Variants in ARSB observed in about 807,000 individuals in gnomAD.
ARSB encodes the protein N-acetylgalactosamine-4-sulfatase.
ARSB carries 41 observed loss-of-function variants against 50.9 expected under a neutral mutation model. That is an observed-to-expected ratio of 0.81 (90% CI 0.63 to 1.04). ARSB has a LOEUF of 1.04. Ranked by LOEUF, ARSB falls within the 50% of genes least tolerant of loss-of-function variation. ARSB has a pLI of 0.00. For synonymous variants in ARSB, 269 were observed against 284.8 expected, an observed-to-expected ratio of 0.94 and a Z score of 0.56; for missense variants, 672 against 693.3, an observed-to-expected ratio of 0.97 and a Z score of 0.35.
At chr5:78,881,784 T>C (rs1390486422) in intron 5 of ARSB, among the ~76,000 whole-genome samples, 1 of 152,262 alleles carries the variant, frequency 6.6e-6, no homozygotes, top group Admixed American at 6.5e-5. Context: ...TTTAAAATCA[T>C]GTAGGGGCCA....
intron 5 of ARSB, among the ~76,000 whole-genome samples, chr5:78,859,795 G>A (rs1184592317): frequency 1.3e-5 from 2 of 151,896 alleles, no homozygotes; most frequent in East Asian, 3.9e-4. Context: ...CCCGAATGCT[G>A]GCTGCTTTCC....
At chr5:78,981,315 C>T (rs1182483123) in intron 1 of ARSB, among the ~76,000 whole-genome samples, 1 of 152,124 alleles carries the variant, frequency 6.6e-6, no homozygotes, top group Non-Finnish European at 1.5e-5. Flanking sequence ...TCCTCCATTG[C>T]CTCCAACCTG....
intron 4 of ARSB, among the ~76,000 whole-genome samples, chr5:78,929,064 C>T (rs774269860): frequency 2.4e-4 from 36 of 152,170 alleles, no homozygotes; most frequent in Non-Finnish European, 4.0e-4. Flanking sequence ...ATGGATGTCC[C>T]GCCTCCCCTA....
At position 78,816,011 on chromosome 5, in the gene ARSB, G is replaced by A. The variant is rs920104881; in HGVS notation, c.1213+23345C>T. ...CAGGAGCCACCCGAGGCCTTGAGGG[G>A]CCCTTTCAGAACCTTGGGTCTGAAG... On this transcript the variant is annotated intron_variant, in intron 6 of 7. Coordinates refer to ENST00000264914, the MANE Select transcript of ARSB (RefSeq NM_000046.5). 3.1e-6 allele frequency: 5 copies of A among 1,610,064 alleles called. No individual in the cohort carries two copies. In the African/African-American group the frequency reaches 6.7e-5, roughly 22 times the overall value.
rs780432111 is a variant in ARSB at position 78,885,601 on chromosome 5, G to A, written c.1125C>T (p.Asp375=). Reference sequence around the variant, plus strand: ...GTAGGTACCTGATGGTTTTCCACACGTCGAAGCCATCCAGAGGCTTTGTGC... The same window carrying A: ...GTAGGTACCTGATGGTTTTCCACACATCGAAGCCATCCAGAGGCTTTGTGC... The part of the protein sequence containing the change: ...TNGTKPLDGF[D]VWKTISEGSP... Residue 375 remains aspartate (D), a synonymous_variant, in exon 5 of 8, where the codon GAC becomes GAT. Coordinates refer to ENST00000264914, the MANE Select transcript of ARSB (RefSeq NM_000046.5). 55 of 1,613,774 alleles carry A rather than the reference G, an allele frequency of 3.4e-5. No individual in the cohort carries two copies. In the East Asian group the frequency reaches 6.2e-4, roughly 18 times the overall value.
chr5:78,974,351 A>T (rs1016454600), intron 1 of ARSB, among the ~76,000 whole-genome samples: 2 of 152,206 alleles, frequency 1.3e-5, no homozygotes, highest in Admixed American at 1.3e-4. Flanking sequence ...ATTAGTGAAG[A>T]GTGCAAATCT....
chr5:78,957,641 C>G (rs7702409), intron 3 of ARSB, among the ~76,000 whole-genome samples: 27,043 of 152,016 alleles, frequency 0.18, 2,460 homozygotes, highest in Middle Eastern at 0.22. Flanking sequence ...CATTTCAGTT[C>G]TGCCTCTGCT....
intron 4 of ARSB, among the ~76,000 whole-genome samples, chr5:78,887,484 C>T (rs762539376): frequency 3.3e-5 from 5 of 152,168 alleles, no homozygotes; most frequent in African/African-American, 4.8e-5. Context: ...TCCACATGAG[C>T]TTTGGTGGAA....
intron 6 of ARSB, among the ~76,000 whole-genome samples, chr5:78,800,201 C>A (rs1743333506): frequency 6.6e-6 from 1 of 151,960 alleles, no homozygotes; most frequent in South Asian, 2.1e-4. Flanking sequence ...ACCTGTAGTC[C>A]CAGCTACTCA....
intron 4 of ARSB, among the ~76,000 whole-genome samples, chr5:78,902,561 A>T (rs1313093092): frequency 2.0e-5 from 3 of 152,228 alleles, no homozygotes; most frequent in Admixed American, 6.5e-5. Flanking sequence ...AATGTATAGC[A>T]ATAAAAGGGA....
chr5:78,859,121 G>C (rs1746300935), intron 5 of ARSB, among the ~76,000 whole-genome samples: 1 of 152,114 alleles, frequency 6.6e-6, no homozygotes, highest in Non-Finnish European at 1.5e-5. Flanking sequence ...GGGGGCAGGT[G>C]ATATTTGGTT....
intron 5 of ARSB, among the ~76,000 whole-genome samples, chr5:78,877,827 T>A (rs1747558313): frequency 1.3e-5 from 2 of 152,114 alleles, no homozygotes; most frequent in South Asian, 4.1e-4. Context: ...CACAACCAAC[T>A]GAGAAGTGAT....
At chr5:78,950,290 G>C (rs912714569) in intron 4 of ARSB, among the ~76,000 whole-genome samples, 7 of 152,134 alleles carry the variant, frequency 4.6e-5, no homozygotes, top group African/African-American at 9.7e-5. Context: ...CAGAATCTTG[G>C]AAACATGTCC....
chr5:78,932,293 G>A (rs1043375525), intron 4 of ARSB, among the ~76,000 whole-genome samples: 2 of 152,210 alleles, frequency 1.3e-5, no homozygotes, highest in African/African-American at 4.8e-5. Flanking sequence ...GCTGCCTTCT[G>A]ACAGTCATCA....
intron 4 of ARSB, among the ~76,000 whole-genome samples, chr5:78,951,845 C>T (rs1256025308): frequency 2.0e-5 from 3 of 152,090 alleles, no homozygotes; most frequent in Admixed American, 6.6e-5. Context: ...TATTCCAGAG[C>T]ATAGAAAAAG....
intron 4 of ARSB, among the ~76,000 whole-genome samples, chr5:78,912,218 A>G (rs2112319570): frequency 1.3e-5 from 2 of 152,372 alleles, no homozygotes; most frequent in Middle Eastern, 6.8e-3. Flanking sequence ...AAATTGAAGC[A>G]TAAGGAAAAA....
chr5:78,860,818 C>T (rs1746397255), intron 5 of ARSB, among the ~76,000 whole-genome samples: 1 of 152,108 alleles, frequency 6.6e-6, no homozygotes, highest in Non-Finnish European at 1.5e-5. Context: ...TCAATGAATC[C>T]AGGAGCTGGT....
intron 6 of ARSB, among the ~76,000 whole-genome samples, chr5:78,800,645 G>A (rs1283941134): frequency 6.6e-6 from 1 of 152,190 alleles, no homozygotes; most frequent in Non-Finnish European, 1.5e-5. Flanking sequence ...GCAAGGTACT[G>A]TTTTAGATAC....
At chr5:78,784,157 T>G (rs1328091885) in intron 6 of ARSB, among the ~76,000 whole-genome samples, 1 of 152,230 alleles carries the variant, frequency 6.6e-6, no homozygotes, top group Non-Finnish European at 1.5e-5. Context: ...AGAATACATA[T>G]GTGCCAAGGG....
Sources: gnomAD v4.1 joint callset for allele counts (sites outside exome capture counted in the v4.1 genomes callset) on GRCh38, gnomAD v4.1.1 for gene constraint, MANE v1.5 for transcripts, NCBI Gene and HGNC (gene_info 2026-07-23, HGNC 2026-07-21) for gene names.